The following LMNTD1 variants were observed in gnomAD, a reference collection of about 807,000 sequenced individuals.
The protein encoded by LMNTD1 is lamin tail domain containing 1.
LMNTD1 carries 35 observed loss-of-function variants against 50.9 expected under a neutral mutation model. The ratio of observed to expected loss-of-function variants is 0.69; its 90% CI spans 0.53 to 0.91. The LOEUF (loss-of-function observed/expected upper bound fraction) is 0.91. LMNTD1 is among the 40% of genes least tolerant of loss of function. LMNTD1 has a pLI of 0.00. For missense variants in LMNTD1, 470 were observed against 475.5 expected (o/e 0.99, Z 0.11); for synonymous variants, 153 against 161.9 (o/e 0.94, Z 0.42).
chr12:25,587,887 A>T (rs4963900), intron 1 of LMNTD1, among the ~76,000 whole-genome samples: 7 of 152,110 alleles, frequency 4.6e-5, no homozygotes, highest in African/African-American at 1.7e-4. Context: ...ATATCAGTAC[A>T]TTTTTTAAAA....
intron 9 of LMNTD1, among the ~76,000 whole-genome samples, chr12:25,488,025 T>A (rs1208632411): frequency 6.7e-6 from 1 of 149,052 alleles, no homozygotes; most frequent in African/African-American, 2.5e-5. Flanking sequence ...TGGGCTTCCC[T>A]TTGAGGGTAA....
In LMNTD1 at chr12:25,535,264, C is replaced by A. The variant is rs543179883; in HGVS notation, c.492-8309G>T. Among the ~76,000 whole-genome samples the A allele has an allele frequency of 2.4e-4, 37 of 151,932 alleles. 1 individual carries two copies. In the South Asian group the frequency reaches 5.8e-3, roughly 24 times the overall value. On this transcript the variant is annotated intron_variant, in intron 4 of 9. Transcript: ENST00000458174. ...ACAATATACACCATCCAAAAAGAAA[C>A]AATCAGAGGAAAAAGTACATAAAAA... is the stretch of plus-strand genomic sequence containing the variant.
chr12:25,526,101 G>T lies in LMNTD1; in HGVS notation c.796C>A (p.Gln266Lys). 2 of 1,562,288 alleles carry T rather than the reference G, an allele frequency of 1.3e-6. No homozygotes were observed. Among genetic ancestry groups the T allele is most frequent in the South Asian group, 2.5e-5 (2 of 80,782 alleles). Reference protein sequence around the residue: ...CITILCKPNGQAIAWYTPIHW... With the variant: ...CITILCKPNGKAIAWYTPIHW... ...ATTGTTAAGAACCAGAAACTAACTT[G>T]ACCGTTCGGTTTGCACAGGATTGTT... The change falls in exon 6 of 10, where the codon CAA becomes AAA. Residue 266 changes from glutamine to lysine, a missense_variant and splice_region_variant. Gln to Lys is a moderately conservative substitution (Grantham distance 53). Transcript: ENST00000458174.
Position 25,518,744 on chromosome 12 carries a change from T to A in LMNTD1, c.1189+51A>T, listed in dbSNP as rs780493675. On this transcript the variant is annotated intron_variant, in intron 8 of 9. Coordinates refer to ENST00000458174, the MANE Select transcript of LMNTD1 (RefSeq NM_001145728.2). Reference sequence around the variant, plus strand: ...CACTTAACCCACTAGTTAACACATGTGCATGCACACACACGCACTCTCCAC... The same window carrying A: ...CACTTAACCCACTAGTTAACACATGAGCATGCACACACACGCACTCTCCAC... 8 of 1,531,172 alleles carry A rather than the reference T, an allele frequency of 5.2e-6. No homozygotes were observed. The East Asian group carries it at 1.8e-4, about 34-fold the overall frequency. The allele number at this position is 1,531,172 out of a possible 1,614,324, so 94.8% of individuals were successfully genotyped here. A position where few individuals can be genotyped will look rare whatever the true frequency, so the allele number is the denominator to read the frequency against.
intron 2 of LMNTD1, among the ~76,000 whole-genome samples, chr12:25,549,807 A>G (rs1168916558): frequency 6.6e-6 from 1 of 152,156 alleles, no homozygotes; most frequent in African/African-American, 2.4e-5. Flanking sequence ...TGTAAGTAGA[A>G]AAAAGATAAT....
At chr12:25,644,313 C>CAAAAAAA (rs59091210) in intron 1 of LMNTD1, among the ~76,000 whole-genome samples, 31 of 81,794 alleles carry the variant, frequency 3.8e-4, no homozygotes, top group Non-Finnish European at 5.6e-4. Flanking sequence ...CCTTTCTCTA[C>CAAAAAAA]AAAAAAAAAA....
intron 1 of LMNTD1, among the ~76,000 whole-genome samples, chr12:25,600,894 T>A (rs772764187): frequency 2.0e-5 from 3 of 151,996 alleles, no homozygotes; most frequent in Non-Finnish European, 2.9e-5. Flanking sequence ...GTTTGGAGAT[T>A]CCTCAAGAAA....
chr12:25,541,589 T>G, intron 4 of LMNTD1, among the ~76,000 whole-genome samples: 6 of 71,300 alleles, frequency 8.4e-5, no homozygotes, highest in African/African-American at 2.1e-4. Context: ...ATTAAAGACT[T>G]AAATGTTAGA....
Position 25,648,456 on chromosome 12 carries a change from G to T in LMNTD1, c.58+38C>A, listed in dbSNP as rs1319837362. ...AGGAAATGAGGGAAGCCAGCGAATT[G>T]CCTGATGGGGAAAATCCAGCATTCA... is the stretch of plus-strand genomic sequence containing the variant. On this transcript the variant is annotated intron_variant, in intron 1 of 7. Transcript: ENST00000445693. 4 of 1,519,402 alleles carry T rather than the reference G, an allele frequency of 2.6e-6. No homozygotes were observed. The South Asian group carries it at 3.6e-5, about 14-fold the overall frequency. 94.1% of individuals were successfully genotyped at this position (1,519,402 alleles called of 1,614,324 possible).
chr12:25,635,343 T>C (rs1166044734), intron 1 of LMNTD1, among the ~76,000 whole-genome samples: 1 of 151,408 alleles, frequency 6.6e-6, no homozygotes, highest in African/African-American at 2.4e-5. Context: ...ACACCAACAG[T>C]GACCAAGTGG....
intron 8 of LMNTD1, among the ~76,000 whole-genome samples, chr12:25,516,111 A>G (rs1236972737): frequency 1.3e-5 from 2 of 150,808 alleles, no homozygotes; most frequent in Non-Finnish European, 3.0e-5. Flanking sequence ...ACTTGATTCA[A>G]TCAATCAGCA....
Position 25,520,038 on chromosome 12 carries a change from G to A in LMNTD1, c.836C>T (p.Ala279Val), listed in dbSNP as rs777251354. 14 of 1,612,408 alleles carry A rather than the reference G, an allele frequency of 8.7e-6. No individual in the cohort carries two copies. In the Admixed American group the frequency reaches 1.7e-4, roughly 19 times the overall value. ...AACGTCAGCATCTAATTTTTCCCAC[G>A]CTTGCTTCCAGTGGATAGGGGTGTA... is the stretch of plus-strand genomic sequence containing the variant. ...AWYTPIHWKQ[A>V]WEKLDADVEF... is the part of the protein sequence containing the mutation. The change falls in exon 7 of 10, where the codon GCG becomes GTG. Residue 279 changes from alanine (A) to valine (V), a missense_variant. Coordinates refer to ENST00000458174, the MANE Select transcript of LMNTD1 (RefSeq NM_001145728.2).
rs199777995 is a variant in LMNTD1 at position 25,622,463 on chromosome 12, GCC to G, written c.58+26029_58+26030del. Among the ~76,000 whole-genome samples, 3 of 111,218 alleles carry G rather than the reference GCC, an allele frequency of 2.7e-5. 1 individual carries two copies. The highest frequency in any genetic ancestry group is 2.2e-4 in the East Asian group (1 of 4,530). The allele number at this position is 111,218 out of a possible 152,430, so 73.0% of individuals were successfully genotyped here. A position where few individuals can be genotyped will look rare whatever the true frequency, so the allele number is the denominator to read the frequency against. ...GTTGCCCTTGACCTTGAGTTTGTGA[GCC>G]CGCCCCCCCCCGCAAAATAATATCA... On this transcript the variant is annotated intron_variant, in intron 1 of 7. Transcript: ENST00000445693.
At position 25,532,958 on chromosome 12, in the gene LMNTD1, C is replaced by A. The variant is rs138436606; in HGVS notation, c.492-6003G>T. ...ACTTTTGTTTTTAAACAGATAAGACCCTGGAATAGCTCAGCTATTCCTTTG... is the reference window on the plus strand; with the variant it reads ...ACTTTTGTTTTTAAACAGATAAGACACTGGAATAGCTCAGCTATTCCTTTG... On this transcript the variant is annotated intron_variant, in intron 4 of 9. Transcript: ENST00000458174. Among the ~76,000 whole-genome samples the A allele has an allele frequency of 2.1e-3, 320 of 152,090 alleles. 2 individuals carry two copies. The highest frequency in any genetic ancestry group is 7.4e-3 in the African/African-American group (306 of 41,504).
chr12:25,621,877 T>A (rs1450633841), intron 1 of LMNTD1, among the ~76,000 whole-genome samples: 1 of 152,094 alleles, frequency 6.6e-6, no homozygotes, highest in East Asian at 1.9e-4. Flanking sequence ...AGATGGGAAA[T>A]CAACAGAGGG....
At chr12:25,617,190 A>G (rs1199484929) in intron 1 of LMNTD1, among the ~76,000 whole-genome samples, 2 of 152,172 alleles carry the variant, frequency 1.3e-5, no homozygotes, top group East Asian at 3.8e-4. Flanking sequence ...TTAATTAGCT[A>G]TAGTATTTAA....
At chr12:25,519,074 T>C in intron 7 of LMNTD1, 107 bp from the exon 8 acceptor site, 7 of 1,063,506 alleles carry the variant, frequency 6.6e-6, no homozygotes, top group East Asian at 5.0e-5. Flanking sequence ...CAAGAGAATA[T>C]GACTTTTTAA....
intron 6 of LMNTD1, among the ~76,000 whole-genome samples, chr12:25,522,525 C>T (rs1048247688): frequency 2.6e-5 from 4 of 152,130 alleles, no homozygotes; most frequent in African/African-American, 9.7e-5. Context: ...CATTACTTAT[C>T]ATGTGACCTT....
chr12:25,489,245 T>A (rs1487776771), intron 9 of LMNTD1, among the ~76,000 whole-genome samples: 6 of 150,738 alleles, frequency 4.0e-5, no homozygotes, highest in African/African-American at 9.7e-5. Flanking sequence ...TGCCTTGCAG[T>A]TTGATCTCAG....
Sources: allele counts gnomAD v4.1 joint callset (sites outside exome capture counted in the v4.1 genomes callset), GRCh38; gene constraint gnomAD v4.1.1; transcripts MANE v1.5; gene names NCBI Gene and HGNC (gene_info 2026-07-23, HGNC 2026-07-21).